Variants in PRKACB observed in about 807,000 individuals in gnomAD.
PRKACB encodes the protein protein kinase cAMP-activated catalytic subunit beta.
A neutral mutation model predicts 51.4 loss-of-function variants in PRKACB; 16 were observed. That is an observed-to-expected ratio of 0.31 (90% CI 0.21 to 0.47). The LOEUF is 0.47. PRKACB is among the 20% of genes least tolerant of loss of function. The pLI, the probability that PRKACB is intolerant of heterozygous loss-of-function variation, is 1.00. For missense variants in PRKACB, 309 were observed against 464.5 expected (o/e 0.67, Z 3.08); for synonymous variants, 147 against 154.4 (o/e 0.95, Z 0.35).
chr1:84,184,351 T>C (rs1558163281), intron 4 of PRKACB, among the ~76,000 whole-genome samples: 1 of 151,892 alleles, frequency 6.6e-6, no homozygotes, highest in Non-Finnish European at 1.5e-5. Flanking sequence ...TCAAAGGTGA[T>C]ACTCATGAGA....
upstream of PRKACB, among the ~76,000 whole-genome samples, chr1:84,143,085 G>C (rs886249608): frequency 6.6e-6 from 1 of 151,380 alleles, no homozygotes; most frequent in African/African-American, 2.4e-5. Flanking sequence ...CAAAATTTTT[G>C]TTAAATGCCA....
intron 1 of PRKACB, among the ~76,000 whole-genome samples, chr1:84,108,401 G>C (rs990673067): frequency 6.6e-6 from 1 of 151,840 alleles, no homozygotes; most frequent in East Asian, 1.9e-4. Flanking sequence ...GTATACCTGG[G>C]TGATGAAAAA....
intron 1 of PRKACB, among the ~76,000 whole-genome samples, chr1:84,110,845 T>G (rs1417164219): frequency 6.6e-6 from 1 of 152,050 alleles, no homozygotes; most frequent in Non-Finnish European, 1.5e-5. Flanking sequence ...CTTCCTATTT[T>G]GGTGAAAATG....
intron 8 of PRKACB, among the ~76,000 whole-genome samples, chr1:84,208,218 T>C (rs1454091049): frequency 6.6e-6 from 1 of 152,236 alleles, no homozygotes; most frequent in Admixed American, 6.5e-5. Context: ...TGAATGGATT[T>C]ACTTTTTGGT....
chr1:84,101,903 C>A (rs1424089272), intron 1 of PRKACB, among the ~76,000 whole-genome samples: 2 of 152,106 alleles, frequency 1.3e-5, no homozygotes, highest in African/African-American at 4.8e-5. Context: ...TTCCTGTGTT[C>A]AAGAAGGAGG....
At chr1:84,133,777 A>G (rs12144770) in intron 1 of PRKACB, among the ~76,000 whole-genome samples, 11,945 of 152,284 alleles carry the variant, frequency 0.078, 669 homozygotes, top group Non-Finnish European at 0.11. Context: ...CTAGTGAGGG[A>G]GTACCTGCAA....
intron 1 of PRKACB, among the ~76,000 whole-genome samples, chr1:84,129,254 A>T (rs1557984322): frequency 6.6e-6 from 1 of 152,068 alleles, no homozygotes; most frequent in Non-Finnish European, 1.5e-5. Flanking sequence ...ATACTTTGAG[A>T]TATATATTAC....
chr1:84,172,033 A>G (rs1466688932), intron 1 of PRKACB, among the ~76,000 whole-genome samples: 3 of 151,688 alleles, frequency 2.0e-5, no homozygotes, highest in Non-Finnish European at 4.4e-5. Context: ...ATCTTTAACA[A>G]TCAGACATGA....
At chr1:84,158,588 T>G (rs1194125032) in intron 1 of PRKACB, among the ~76,000 whole-genome samples, 1 of 151,338 alleles carries the variant, frequency 6.6e-6, no homozygotes, top group Non-Finnish European at 1.5e-5. Flanking sequence ...TCCAAAAATA[T>G]AAATATCAAA....
rs193116171 is a variant in PRKACB at position 84,174,961 on chromosome 1, G to A, written c.188-4216G>A. The A allele has an allele frequency of 3.9e-5, 52 of 1,334,394 alleles. No homozygotes were observed. The East Asian group carries it at 4.7e-4, about 12-fold the overall frequency. 82.7% of individuals were successfully genotyped at this position (1,334,394 alleles called of 1,614,324 possible). On this transcript the variant is annotated intron_variant, in intron 1 of 9. Coordinates refer to ENST00000370685, the MANE Select transcript of PRKACB (RefSeq NM_182948.4). ...TGTATATAGTATTCTGAAAAAATGC[G>A]TATTGGTGACTTCATGCTAATATGT...
rs1458133665 is a variant in PRKACB at position 84,103,438 on chromosome 1, G to T, written c.46+25067G>T. Among the ~76,000 whole-genome samples, 4 of 151,500 alleles carry T rather than the reference G, an allele frequency of 2.6e-5. No individual in the cohort carries two copies. The Admixed American group carries it at 2.6e-4, about 10-fold the overall frequency. ...CAGAGAGATGGGGTGTGGGGGTGGG[G>T]GGTAGAGAAAGAAAGAGAGAGATTG... On this transcript the variant is annotated intron_variant, in intron 1 of 8. Transcript: ENST00000370688.
intron 1 of PRKACB, among the ~76,000 whole-genome samples, chr1:84,148,753 T>C (rs975717164): frequency 1.3e-5 from 2 of 152,232 alleles, no homozygotes; most frequent in African/African-American, 4.8e-5. Context: ...AAGCAGACTT[T>C]ATAGTAAAAC....
At chr1:84,195,688 G>C (rs1171854927) in intron 5 of PRKACB, among the ~76,000 whole-genome samples, 1 of 152,052 alleles carries the variant, frequency 6.6e-6, no homozygotes, top group African/African-American at 2.4e-5. Flanking sequence ...TGAGGCGGGT[G>C]GATCATTTGA....
chr1:84,130,068 C>T lies in PRKACB; in HGVS notation c.47-49109C>T, dbSNP rs191139340. ...ACAAACAATTAGCTGGGTGTGGTGG[C>T]GGGCACCTGTAGTCCCAGCTGCTGG... On this transcript the variant is annotated intron_variant, in intron 1 of 8. Transcript: ENST00000370688. Among the ~76,000 whole-genome samples, 593 of 151,592 alleles carry T rather than the reference C, an allele frequency of 3.9e-3. 4 individuals are homozygous for T. The highest frequency in any genetic ancestry group is 0.013 in the African/African-American group (530 of 41,360).
At chr1:84,136,925 C>T in intron 1 of PRKACB, among the ~76,000 whole-genome samples, 1 of 152,170 alleles carries the variant, frequency 6.6e-6, no homozygotes, top group Middle Eastern at 3.2e-3. Flanking sequence ...GTAATTGAAT[C>T]ATGGAGGTGT....
chr1:84,165,458 C>T (rs1345932907), intron 1 of PRKACB, among the ~76,000 whole-genome samples: 2 of 151,616 alleles, frequency 1.3e-5, no homozygotes, highest in African/African-American at 4.8e-5. Flanking sequence ...AAATAAGATG[C>T]TGCCAGAATT....
intron 1 of PRKACB, among the ~76,000 whole-genome samples, chr1:84,158,117 C>T (rs1655736085): frequency 6.6e-6 from 1 of 151,880 alleles, no homozygotes; most frequent in Non-Finnish European, 1.5e-5. Flanking sequence ...ACTCTGTCAC[C>T]CAGGCTGGAG....
At chr1:84,121,344 TG>T (rs1227826928) in intron 1 of PRKACB, among the ~76,000 whole-genome samples, 2 of 152,070 alleles carry the variant, frequency 1.3e-5, no homozygotes, top group African/African-American at 4.8e-5. Flanking sequence ...AATTTGAAGA[TG>T]AAAAAGGAGG....
intron 1 of PRKACB, chr1:84,157,504 T>C (rs1655653927): frequency 6.6e-6 from 1 of 152,086 alleles, no homozygotes; most frequent in Admixed American, 6.6e-5. Flanking sequence ...ACAAATCAGT[T>C]TTAGAACATT....
Sources: gnomAD v4.1 joint callset for allele counts (sites outside exome capture counted in the v4.1 genomes callset) on GRCh38, gnomAD v4.1.1 for gene constraint, MANE v1.5 for transcripts, NCBI Gene and HGNC (gene_info 2026-07-23, HGNC 2026-07-21) for gene names.